Variants in MYZAP observed in about 807,000 individuals in gnomAD.
MYZAP encodes GRINL1A complex locus upstream.
Under a neutral mutation model 69.4 loss-of-function variants are expected in MYZAP, and 66 were observed. The observed-to-expected ratio is 0.95, with a 90% CI of 0.78 to 1.17. The LOEUF is 1.17. MYZAP is among the 50% of genes most tolerant of loss of function. The probability of loss-of-function intolerance (pLI) is 0.00; values close to 1 mark genes in which losing one functional copy is unlikely to be tolerated. For synonymous variants in MYZAP, 256 were observed against 205.9 expected (o/e 1.24, Z -2.09); for missense variants, 611 against 556.2 (o/e 1.10, Z -0.99).
chr15:57,624,899 C>T (rs540202107), intron 4 of MYZAP, among the ~76,000 whole-genome samples: 3 of 152,298 alleles, frequency 2.0e-5, no homozygotes, highest in East Asian at 1.9e-4. Flanking sequence ...CTGCTTTCTG[C>T]TGCTCCCAGA....
intron 12 of MYZAP, among the ~76,000 whole-genome samples, chr15:57,676,919 C>T (rs2039167202): frequency 6.6e-6 from 1 of 152,114 alleles, no homozygotes; most frequent in Admixed American, 6.5e-5. Context: ...ATTTGGTTTC[C>T]CCCCGGATCC....
At chr15:57,617,504 G>GA (rs1248357980) in intron 2 of MYZAP, among the ~76,000 whole-genome samples, 1 of 152,134 alleles carries the variant, frequency 6.6e-6, no homozygotes, top group African/African-American at 2.4e-5. Flanking sequence ...TGGCTTTTCA[G>GA]AAATATTTCA....
chr15:57,627,336 C>T (rs1156605701), intron 5 of MYZAP, among the ~76,000 whole-genome samples: 9 of 133,910 alleles, frequency 6.7e-5, no homozygotes, highest in African/African-American at 2.5e-4. Context: ...ATAGCTAAAA[C>T]CGCTGAGAGA....
At chr15:57,681,846 G>A (rs1307067658) in intron 12 of MYZAP, among the ~76,000 whole-genome samples, 1 of 152,082 alleles carries the variant, frequency 6.6e-6, no homozygotes, top group Non-Finnish European at 1.5e-5. Context: ...AGGTGTATAT[G>A]GGGATTGGGT....
Position 57,599,441 on chromosome 15 carries a change from A to G in MYZAP, c.76-4828A>G, listed in dbSNP as rs2034273571. 6.0e-6 allele frequency: 7 copies of G among 1,157,070 alleles called. No individual in the cohort carries two copies. The Admixed American group carries it at 1.1e-4, about 19-fold the overall frequency. The allele number at this position is 1,157,070 out of a possible 1,614,324, so 71.7% of individuals were successfully genotyped here. A position where few individuals can be genotyped will look rare whatever the true frequency, so the allele number is the denominator to read the frequency against. On this transcript the variant is annotated intron_variant, in intron 1 of 12. Coordinates refer to ENST00000267853, the MANE Select transcript of MYZAP (RefSeq NM_001018100.5). ...GTGCTCAGTAACTGAGTAATAAAGTATGCTGAGTCCAGCTTCCTGCTTTGA... is the reference window on the plus strand; with the variant it reads ...GTGCTCAGTAACTGAGTAATAAAGTGTGCTGAGTCCAGCTTCCTGCTTTGA...
At chr15:57,603,897 A>G (rs2034573670) in intron 1 of MYZAP, among the ~76,000 whole-genome samples, 2 of 152,240 alleles carry the variant, frequency 1.3e-5, no homozygotes, top group South Asian at 2.1e-4. Flanking sequence ...TCCCTTCCCA[A>G]TAGAGATATC....
intron 1 of MYZAP, among the ~76,000 whole-genome samples, chr15:57,594,264 C>T (rs561841259): frequency 1.3e-5 from 2 of 152,176 alleles, no homozygotes; most frequent in South Asian, 4.1e-4. Flanking sequence ...TACAGGCGCA[C>T]ACCACCATGC....
chr15:57,661,967 G>A (rs1305028504), intron 11 of MYZAP, among the ~76,000 whole-genome samples: 1 of 152,180 alleles, frequency 6.6e-6, no homozygotes, highest in African/African-American at 2.4e-5. Context: ...GAAGACAGGT[G>A]GTTTTGCTCA....
Position 57,621,623 on chromosome 15 carries a change from G to C in MYZAP, c.334G>C (p.Glu112Gln). 6.2e-7 allele frequency: 1 copy of C among 1,613,692 alleles called. No homozygotes were observed. The highest frequency in any genetic ancestry group is 8.5e-7 in the Non-Finnish European group (1 of 1,179,744). ...NYIKDVRATL[E>Q]KVRKRMYGDY... Reference sequence around the variant, plus strand: ...TGGGCTACAGGTGAGAGCCACTTTGGAAAAGGTGAGAAAGCGAATGTATGG... The same window carrying C: ...TGGGCTACAGGTGAGAGCCACTTTGCAAAAGGTGAGAAAGCGAATGTATGG... Residue 112 changes from glutamate (E) to glutamine (Q), a missense_variant, in exon 4 of 13, where the codon GAA becomes CAA. By Grantham distance (29) the Glu-to-Gln change is conservative. Transcript: ENST00000267853.
intron 3 of MYZAP, 82 bp from the exon 4 acceptor site, chr15:57,621,526 T>G (rs2035817541): frequency 6.5e-7 from 1 of 1,533,628 alleles, no homozygotes; most frequent in South Asian, 1.2e-5. Flanking sequence ...TCCTTCTTTC[T>G]TTAGAGTTTC....
At chr15:57,612,403 A>G (rs1015009271) in intron 2 of MYZAP, among the ~76,000 whole-genome samples, 7 of 152,128 alleles carry the variant, frequency 4.6e-5, no homozygotes, top group African/African-American at 1.7e-4. Context: ...TTCCCCTAAG[A>G]ATGCTGATTG....
rs769276705 is a variant in MYZAP, at chr15:57,599,626, C to T, written c.76-4643C>T. The stretch of plus-strand genomic sequence containing the variant: ...GCCCTACCTGCCTTTCAGGCACTGC[C>T]AAGCCTGGGGCATCTCTGGAGATTG... On this transcript the variant is annotated intron_variant, in intron 1 of 12. Coordinates refer to ENST00000267853, the MANE Select transcript of MYZAP (RefSeq NM_001018100.5). 7.0e-6 allele frequency: 9 copies of T among 1,289,058 alleles called. No homozygotes were observed. In the South Asian group the frequency reaches 8.6e-5, roughly 12 times the overall value. 79.9% of individuals were successfully genotyped at this position (1,289,058 alleles called of 1,614,324 possible).
intron 5 of MYZAP, among the ~76,000 whole-genome samples, chr15:57,629,472 A>G (rs558981620): frequency 6.6e-6 from 1 of 152,138 alleles, no homozygotes; most frequent in Non-Finnish European, 1.5e-5. Context: ...GGCAGCAGCT[A>G]TGGGATGGTA....
intron 12 of MYZAP, among the ~76,000 whole-genome samples, chr15:57,677,147 C>G (rs1182191992): frequency 6.6e-6 from 1 of 152,202 alleles, no homozygotes; most frequent in Admixed American, 6.5e-5. Context: ...TTGGAACTGC[C>G]TTACTCTGAG....
At chr15:57,640,748 A>G (rs2037103488) in intron 10 of MYZAP, among the ~76,000 whole-genome samples, 2 of 152,208 alleles carry the variant, frequency 1.3e-5, no homozygotes, top group South Asian at 2.1e-4. Context: ...GCAAATGAGA[A>G]GTGCAGTTAT....
chr15:57,619,031 C>G (rs1482803715), intron 3 of MYZAP, among the ~76,000 whole-genome samples: 1 of 152,178 alleles, frequency 6.6e-6, no homozygotes, highest in African/African-American at 2.4e-5. Context: ...CCCAGCAAGT[C>G]ACTTTTGCTC....
At position 57,627,362 on chromosome 15, in the gene MYZAP, A is replaced by G. The variant is rs77558105; in HGVS notation, c.525+1470A>G. Among the ~76,000 whole-genome samples, 713 of 120,782 alleles carry G rather than the reference A, an allele frequency of 5.9e-3. 5 individuals are homozygous for G. Among genetic ancestry groups the G allele is most frequent in the African/African-American group, 0.021 (693 of 32,732 alleles). 79.2% of individuals were successfully genotyped at this position (120,782 alleles called of 152,430 possible). A position where few individuals can be genotyped will look rare whatever the true frequency, so the allele number is the denominator to read the frequency against. Reference sequence around the variant, plus strand: ...CGCTGAGAGAAACAGAAAGAGAGAGACAAAGAGAGAGGGAGAGGGAGGGGG... The same window carrying G: ...CGCTGAGAGAAACAGAAAGAGAGAGGCAAAGAGAGAGGGAGAGGGAGGGGG... On this transcript the variant is annotated intron_variant, in intron 5 of 12. Coordinates refer to ENST00000267853, the MANE Select transcript of MYZAP (RefSeq NM_001018100.5).
At chr15:57,684,121 C>G (rs965461495) in intron 12 of MYZAP, among the ~76,000 whole-genome samples, 1 of 74,374 alleles carries the variant, frequency 1.3e-5, no homozygotes, top group Non-Finnish European at 3.9e-5. Flanking sequence ...GGCCACTAAT[C>G]CCATTCATGA....
At chr15:57,632,310 C>T (rs1344200973) in intron 6 of MYZAP, 124 bp from the exon 7 acceptor site, 1 of 1,482,646 alleles carries the variant, frequency 6.7e-7, no homozygotes, top group East Asian at 2.3e-5. Flanking sequence ...CTGTGTCTCT[C>T]TGCTGCAGAA....
Sources: allele counts gnomAD v4.1 joint callset (sites outside exome capture counted in the v4.1 genomes callset), GRCh38; gene constraint gnomAD v4.1.1; transcripts MANE v1.5; gene names NCBI Gene and HGNC (gene_info 2026-07-23, HGNC 2026-07-21).